Variants in OSBP2 observed in about 807,000 individuals in gnomAD.
OSBP2 encodes oxysterol-binding protein 2.
Under a neutral mutation model 96.0 loss-of-function variants are expected in OSBP2, and 66 were observed. The observed-to-expected ratio is 0.69, with a 90% CI of 0.56 to 0.84. The LOEUF is 0.84. OSBP2 is among the 40% of genes least tolerant of loss of function. The pLI is 0.00. For missense variants in OSBP2, 1,038 were observed against 1,222.7 expected, an observed-to-expected ratio of 0.85 and a Z score of 2.25; for synonymous variants, 525 against 520.9, an observed-to-expected ratio of 1.01 and a Z score of -0.11.
Position 30,804,255 on chromosome 22 carries a change from G to A in OSBP2, c.853+62886G>A, listed in dbSNP as rs115731361. On this transcript the variant is annotated intron_variant, in intron 2 of 13. Transcript: ENST00000332585. Reference sequence around the variant, plus strand: ...TGGGACCATCCTCCAGAGCCCTGGAGATGTCTAGTTGTGCTAGATTCCAAG... The same window carrying A: ...TGGGACCATCCTCCAGAGCCCTGGAAATGTCTAGTTGTGCTAGATTCCAAG... Among the ~76,000 whole-genome samples the A allele has an allele frequency of 6.2e-3, 951 of 152,338 alleles. 11 individuals are homozygous for A. The highest frequency in any genetic ancestry group is 0.022 in the African/African-American group (911 of 41,566).
At chr22:30,767,949 G>A (rs2090296989) in intron 2 of OSBP2, among the ~76,000 whole-genome samples, 1 of 152,166 alleles carries the variant, frequency 6.6e-6, no homozygotes, top group South Asian at 2.1e-4. Context: ...AGGAGAAGAA[G>A]GAGCCACCAG....
At chr22:30,749,668 C>T (rs888021809) in intron 2 of OSBP2, among the ~76,000 whole-genome samples, 12 of 152,080 alleles carry the variant, frequency 7.9e-5, no homozygotes, top group African/African-American at 2.4e-4. Context: ...AGTGCAGTGG[C>T]GCAATCTTGG....
intron 2 of OSBP2, among the ~76,000 whole-genome samples, chr22:30,843,656 G>C (rs932313218): frequency 4.6e-5 from 7 of 152,060 alleles, no homozygotes; most frequent in African/African-American, 1.4e-4. Context: ...TTGAGCTCAG[G>C]AGTTTAAGAC....
chr22:30,869,310 C>T (rs1327444018), intron 2 of OSBP2, among the ~76,000 whole-genome samples: 1 of 152,228 alleles, frequency 6.6e-6, no homozygotes, highest in Non-Finnish European at 1.5e-5. Context: ...GGTATGACTT[C>T]ACCTCTCAGA....
chr22:30,695,104 G>T lies in OSBP2; in HGVS notation c.195G>T (p.Leu65=). ...TGCCCGAACCGGAGCGGGGACCGCTGTCAGAACAGGTGTCGGAGGCAGTTT... is the reference window on the plus strand; with the variant it reads ...TGCCCGAACCGGAGCGGGGACCGCTTTCAGAACAGGTGTCGGAGGCAGTTT... ...QPVPEPERGP[L]SEQVSEAVSE... is the part of the protein sequence containing the mutation. The change falls in exon 1 of 14, where the codon CTG becomes CTT. Residue 65 remains leucine (L), a synonymous_variant. Coordinates refer to ENST00000332585, the MANE Select transcript of OSBP2 (RefSeq NM_030758.4). 6.3e-7 allele frequency: 1 copy of T among 1,585,270 alleles called. No individual in the cohort carries two copies. Among genetic ancestry groups the T allele is most frequent in the Non-Finnish European group, 8.6e-7 (1 of 1,164,618 alleles).
intron 2 of OSBP2, among the ~76,000 whole-genome samples, chr22:30,799,421 G>T (rs2090819841): frequency 6.6e-6 from 1 of 152,248 alleles, no homozygotes; most frequent in Admixed American, 6.5e-5. Context: ...GCCACGCCCA[G>T]CCTGCAAGGG....
intron 8 of OSBP2, among the ~76,000 whole-genome samples, chr22:30,891,616 G>A (rs564680439): frequency 6.6e-6 from 1 of 152,298 alleles, no homozygotes; most frequent in East Asian, 1.9e-4. Context: ...GGAGGTGGCT[G>A]CAGTGACACA....
At chr22:30,849,709 G>A (rs1279397087) in intron 2 of OSBP2, among the ~76,000 whole-genome samples, 1 of 152,108 alleles carries the variant, frequency 6.6e-6, no homozygotes, top group Non-Finnish European at 1.5e-5. Flanking sequence ...GTATCTTTCT[G>A]AGATCACATG....
intron 2 of OSBP2, among the ~76,000 whole-genome samples, chr22:30,794,920 T>TA (rs1376784681): frequency 6.6e-6 from 1 of 151,636 alleles, no homozygotes; most frequent in Non-Finnish European, 1.5e-5. Flanking sequence ...ACTACTTTTT[T>TA]TTTTTTTTGA....
intron 3 of OSBP2, among the ~76,000 whole-genome samples, chr22:30,884,417 T>G (rs1366655157): frequency 6.6e-6 from 1 of 152,172 alleles, no homozygotes; most frequent in Non-Finnish European, 1.5e-5. Flanking sequence ...GGGCTTCTGC[T>G]GGAACCCAGG....
chr22:30,718,890 G>A lies in OSBP2; in HGVS notation c.645-22271G>A, dbSNP rs144343026. On this transcript the variant is annotated intron_variant, in intron 1 of 13. Transcript: ENST00000332585. The stretch of plus-strand genomic sequence containing the variant: ...GGAGCCTTGCGGGCAGACTGAGTGG[G>A]GACTTTTTGCTGAGTTGTTCATGCA... Among the ~76,000 whole-genome samples the A allele has an allele frequency of 9.8e-4, 149 of 152,214 alleles. 1 individual carries two copies. Among genetic ancestry groups the A allele is most frequent in the African/African-American group, 3.2e-3 (132 of 41,532 alleles).
In OSBP2 at chr22:30,902,400, C is replaced by T. The variant is rs147103907; in HGVS notation, c.2376-3437C>T. 2,747 of 1,564,120 alleles carry T rather than the reference C, an allele frequency of 1.8e-3. 3 individuals carry two copies. The highest frequency in any genetic ancestry group is 2.0e-3 in the Non-Finnish European group (2,218 of 1,137,402). ...GATTCCCTTAAGGAAGCTTGACATA[C>T]GATGGTGCACTGTTGGGCAATCAGT... On this transcript the variant is annotated intron_variant, in intron 12 of 13. Transcript: ENST00000332585.
chr22:30,762,486 G>A (rs1029333482), intron 2 of OSBP2, among the ~76,000 whole-genome samples: 12 of 151,782 alleles, frequency 7.9e-5, no homozygotes, highest in African/African-American at 2.9e-4. Context: ...AGCTTGCAGT[G>A]AGCTGAGATT....
At chr22:30,733,099 A>G (rs568287749) in intron 1 of OSBP2, among the ~76,000 whole-genome samples, 3 of 152,310 alleles carry the variant, frequency 2.0e-5, no homozygotes, top group African/African-American at 7.2e-5. Flanking sequence ...CCAAGGTGGA[A>G]GGGGTCTGAT....
At chr22:30,900,115 G>C (rs577088089) in intron 12 of OSBP2, among the ~76,000 whole-genome samples, 1 of 152,072 alleles carries the variant, frequency 6.6e-6, no homozygotes, top group Non-Finnish European at 1.5e-5. Flanking sequence ...GACATTAGGC[G>C]TGGCGGCGCA....
intron 2 of OSBP2, among the ~76,000 whole-genome samples, chr22:30,778,188 T>TTTTTTTTTTTTTTTTTG: frequency 6.8e-6 from 1 of 146,012 alleles, no homozygotes; most frequent in Admixed American, 6.9e-5. Flanking sequence ...TTTTTTTTTT[T>TTTTTTTTTTTTTTTTTG]TTAGTAGAGA....
upstream of OSBP2, chr22:30,694,482 G>C: frequency 8.7e-7 from 1 of 1,147,202 alleles, no homozygotes; most frequent in Non-Finnish European, 1.2e-6. Flanking sequence ...ACCCACCCCA[G>C]CCTGGGTTGG....
intron 2 of OSBP2, among the ~76,000 whole-genome samples, chr22:30,818,677 T>C (rs767706701): frequency 1.3e-5 from 2 of 152,192 alleles, no homozygotes; most frequent in Admixed American, 6.5e-5. Flanking sequence ...TGTGTGTGTG[T>C]GCCACATTAT....
intron 3 of OSBP2, among the ~76,000 whole-genome samples, chr22:30,875,365 T>C (rs2039556138): frequency 1.3e-5 from 2 of 151,758 alleles, no homozygotes; most frequent in Admixed American, 1.3e-4. Flanking sequence ...TTGGCAGGGT[T>C]CTTTGTTGTT....
Sources: allele counts gnomAD v4.1 joint callset (sites outside exome capture counted in the v4.1 genomes callset), GRCh38; gene constraint gnomAD v4.1.1; transcripts MANE v1.5; gene names NCBI Gene and HGNC (gene_info 2026-07-23, HGNC 2026-07-21).